PARP16: variants seen among roughly 807,000 people sequenced by gnomAD.
The protein encoded by PARP16 is poly(ADP-ribose) polymerase family member 16, also known as protein mono-ADP-ribosyltransferase PARP16.
PARP16 carries 31 observed loss-of-function variants against 35.0 expected under a neutral mutation model. The observed-to-expected ratio is 0.88, with a 90% CI of 0.66 to 1.19. PARP16 has a LOEUF of 1.19. Ranked by LOEUF, PARP16 falls within the 50% of genes most tolerant of loss-of-function variation. The probability of loss-of-function intolerance (pLI) is 0.00; values close to 1 mark genes in which losing one functional copy is unlikely to be tolerated. For missense variants in PARP16, 424 were observed against 411.2 expected (o/e 1.03, Z -0.27); for synonymous variants, 162 against 169.5 (o/e 0.96, Z 0.34).
downstream of PARP16, among the ~76,000 whole-genome samples, chr15:65,253,828 G>GT (rs200977308): frequency 0.016 from 2,413 of 151,116 alleles, 55 homozygotes; most frequent in African/African-American, 0.049. Context: ...AACCAGATTT[G>GT]TTTTTTTTGA....
chr15:65,268,862 C>T (rs911875700), intron 2 of PARP16, among the ~76,000 whole-genome samples: 2 of 152,124 alleles, frequency 1.3e-5, no homozygotes, highest in Non-Finnish European at 2.9e-5. Context: ...TCAAGCGATT[C>T]TCCTACCTCA....
At chr15:65,270,892 C>G (rs1326557389) in intron 2 of PARP16, 43 bp downstream of exon 2, 1 of 1,605,916 alleles carries the variant, frequency 6.2e-7, no homozygotes, top group Admixed American at 1.7e-5. Context: ...TCCTAGAGCC[C>G]TTAGGCCCCT....
At chr15:65,261,203 A>T (rs1372571212) in intron 4 of PARP16, among the ~76,000 whole-genome samples, 177 bp from the exon 5 acceptor site, 4 of 151,850 alleles carry the variant, frequency 2.6e-5, no homozygotes. Flanking sequence ...CTGGCAGGCA[A>T]ATGGGAGGAG....
At chr15:65,278,835 G>A (rs1223875828) in intron 1 of PARP16, among the ~76,000 whole-genome samples, 1 of 152,172 alleles carries the variant, frequency 6.6e-6, no homozygotes, top group East Asian at 1.9e-4. Context: ...TGTGGGTGGA[G>A]GTGCTGAGAA....
intron 2 of PARP16, among the ~76,000 whole-genome samples, chr15:65,250,102 CTTG>C (rs2089315738): frequency 1.6e-5 from 2 of 127,344 alleles, no homozygotes; most frequent in East Asian, 5.1e-4. Flanking sequence ...CTTGCACCTG[CTTG>C]CCTTTTTTTT....
chr15:65,270,847 AC>A, intron 2 of PARP16, 87 bp downstream of exon 2: 1 of 1,302,440 alleles, frequency 7.7e-7, no homozygotes, highest in African/African-American at 1.5e-5. Flanking sequence ...TCACTGGTAC[AC>A]AGGGAAGTCT....
downstream of PARP16, among the ~76,000 whole-genome samples, chr15:65,257,512 T>G (rs1304980769): frequency 6.8e-6 from 1 of 147,104 alleles, no homozygotes; most frequent in Non-Finnish European, 1.5e-5. Flanking sequence ...GTGCCTGTAA[T>G]CCCAGCTACA....
intron 3 of PARP16, among the ~76,000 whole-genome samples, chr15:65,239,463 GAAAAAA>G (rs1316505495): frequency 1.4e-4 from 8 of 56,700 alleles, no homozygotes; most frequent in African/African-American, 4.5e-4. Flanking sequence ...AGAGAGAAAA[GAAAAAA>G]AAAAGAAAAG....
intron 3 of PARP16, among the ~76,000 whole-genome samples, chr15:65,244,886 T>C (rs1460032996): frequency 1.3e-5 from 2 of 152,192 alleles, no homozygotes; most frequent in African/African-American, 2.4e-5. Flanking sequence ...CAGGCAGCTG[T>C]TGAGTGGGCC....
chr15:65,248,724 C>G (rs910591012), intron 2 of PARP16, among the ~76,000 whole-genome samples: 2 of 152,206 alleles, frequency 1.3e-5, no homozygotes, highest in Non-Finnish European at 2.9e-5. Context: ...CCTCCTTCCC[C>G]CTCCTGTCTG....
chr15:65,268,623 T>C (rs558049337), intron 2 of PARP16, among the ~76,000 whole-genome samples: 1 of 152,314 alleles, frequency 6.6e-6, no homozygotes, highest in African/African-American at 2.4e-5. Flanking sequence ...TCTTAAATTT[T>C]TCATAGACAG....
At chr15:65,278,112 C>T (rs1013362566) in intron 1 of PARP16, among the ~76,000 whole-genome samples, 3 of 152,134 alleles carry the variant, frequency 2.0e-5, no homozygotes, top group African/African-American at 7.2e-5. Flanking sequence ...AAAAAGTGCT[C>T]CTCCTGGGCT....
chr15:65,253,073 C>T (rs551801074), intron 2 of PARP16, among the ~76,000 whole-genome samples: 17 of 149,454 alleles, frequency 1.1e-4, no homozygotes, highest in Admixed American at 2.0e-4. Flanking sequence ...GATGTAGTAG[C>T]GGTGAGCCGA....
chr15:65,257,030 T>C (rs1050993970), downstream of PARP16, among the ~76,000 whole-genome samples: 1 of 152,220 alleles, frequency 6.6e-6, no homozygotes, highest in Admixed American at 6.5e-5. Context: ...TAGCGGCTCA[T>C]GCCTGTAATT....
chr15:65,251,700 C>T (rs2089364358), intron 2 of PARP16, among the ~76,000 whole-genome samples: 1 of 150,882 alleles, frequency 6.6e-6, no homozygotes, highest in South Asian at 2.1e-4. Context: ...ATACTATTAT[C>T]TCAAAACTCG....
rs1212984014 is a variant in PARP16, at chr15:65,258,694, A to AGTT, written c.*712_*713insAAC. On this transcript the variant is annotated 3_prime_UTR_variant, in exon 6 of 6. Transcript: ENST00000649807. ...GAAAACAAACATTTGGTTCCATTTC[A>AGTT]GCTGTAATCAGCAGTTGGTAATTTT... The AGTT allele has an allele frequency of 6.6e-6, 1 of 152,662 alleles. No individual in the cohort carries two copies. Among genetic ancestry groups the AGTT allele is most frequent in the Admixed American group, 6.5e-5 (1 of 15,268 alleles). 9.5% of individuals were successfully genotyped at this position (152,662 alleles called of 1,614,324 possible). A position where few individuals can be genotyped will look rare whatever the true frequency, so the allele number is the denominator to read the frequency against.
chr15:65,238,028 G>A (rs1051233503), intron 3 of PARP16, among the ~76,000 whole-genome samples: 5 of 152,218 alleles, frequency 3.3e-5, no homozygotes, highest in Non-Finnish European at 5.9e-5. Context: ...GCTCACGCCT[G>A]TAATCCCAGC....
At chr15:65,237,959 A>T (rs1053594466) in intron 3 of PARP16, among the ~76,000 whole-genome samples, 4 of 152,176 alleles carry the variant, frequency 2.6e-5, no homozygotes, top group Non-Finnish European at 5.9e-5. Context: ...CTGTCCCTAC[A>T]TGATCTCATC....
At chr15:65,232,797 TG>T (rs954764850), downstream of PARP16, among the ~76,000 whole-genome samples, 9 of 152,028 alleles carry the variant, frequency 5.9e-5, no homozygotes, top group Non-Finnish European at 1.0e-4. Context: ...GGGTCACACC[TG>T]TAATTACAGC....
Sources: allele counts gnomAD v4.1 joint callset (sites outside exome capture counted in the v4.1 genomes callset), GRCh38; gene constraint gnomAD v4.1.1; transcripts MANE v1.5; gene names NCBI Gene and HGNC (gene_info 2026-07-23, HGNC 2026-07-21).